Variants in ADGRE3 observed in about 807,000 individuals in gnomAD.
ADGRE3 encodes adhesion G protein-coupled receptor E3, also known as EGF-like module receptor 3.
Under a neutral mutation model 80.1 loss-of-function variants are expected in ADGRE3, and 88 were observed. That is an observed-to-expected ratio of 1.10 (90% confidence interval 0.93 to 1.31). The LOEUF (loss-of-function observed/expected upper bound fraction) is 1.31. Ranked by LOEUF, ADGRE3 falls within the 40% of genes most tolerant of loss-of-function variation. The pLI is 0.00. For missense variants in ADGRE3, 715 were observed against 776.5 expected (o/e 0.92, Z 0.94); for synonymous variants, 281 against 294.8 (o/e 0.95, Z 0.48).
At chr19:14,630,664 T>C (rs1402486456) in intron 13 of ADGRE3, among the ~76,000 whole-genome samples, 2 of 152,096 alleles carry the variant, frequency 1.3e-5, no homozygotes, top group African/African-American at 4.8e-5. Context: ...TCCACCCATC[T>C]TGGCCTCCCA....
At chr19:14,600,966 A>G in the ADGRE3 span, among the ~76,000 whole-genome samples, 1 of 120,032 alleles carries the variant, frequency 8.3e-6, no homozygotes, top group African/African-American at 3.3e-5. Context: ...GCAGTGGTGC[A>G]ATCTTGGCTC....
intron 15 of ADGRE3, among the ~76,000 whole-genome samples, chr19:14,624,647 C>G (rs1416951431): frequency 6.6e-6 from 1 of 151,020 alleles, no homozygotes. Context: ...CTCAGCTACT[C>G]AGGAAGCTGA....
chr19:14,673,955 T>C (rs1972321379), intron 1 of ADGRE3, among the ~76,000 whole-genome samples: 1 of 152,182 alleles, frequency 6.6e-6, no homozygotes, highest in African/African-American at 2.4e-5. Context: ...ATTATTTAGC[T>C]CCCACTGATA....
At chr19:14,620,548 T>TATATATTATATATATATATATA in intron 15 of ADGRE3, among the ~76,000 whole-genome samples, 1 of 24,982 alleles carries the variant, frequency 4.0e-5, no homozygotes, top group Non-Finnish European at 6.2e-5. Flanking sequence ...TATATATATA[T>TATATATTATATATATATATATA]TATATATATA....
intron 6 of ADGRE3, among the ~76,000 whole-genome samples, chr19:14,653,271 C>T (rs180750161): frequency 1.3e-5 from 2 of 152,210 alleles, no homozygotes; most frequent in Non-Finnish European, 2.9e-5. Flanking sequence ...GCCACCTCAT[C>T]CTGCCCACAA....
intron 9 of ADGRE3, 51 bp from the exon 10 acceptor site, chr19:14,641,667 T>C (rs2146841486): frequency 1.3e-6 from 2 of 1,593,600 alleles, no homozygotes; most frequent in East Asian, 2.3e-5. Flanking sequence ...ACTGGGATTA[T>C]GGCTCCCTCC....
At chr19:14,610,231 T>G in the ADGRE3 span, 1 of 1,546,406 alleles carries the variant, frequency 6.5e-7, no homozygotes, top group Non-Finnish European at 8.7e-7. Flanking sequence ...CATATCTGAG[T>G]GTCTCTTTGA....
rs762698129 is a variant in ADGRE3, at chr19:14,668,786, G to C, written c.76+16C>G. On this transcript the variant is annotated intron_variant, in intron 2 of 15. Transcript: ENST00000253673. The stretch of plus-strand genomic sequence containing the variant: ...CCTTGGTCCACAAGTTCTCTGTTCT[G>C]GCTCTGAGCACTCACTTTTGGTTTT... 6.2e-7 allele frequency: 1 copy of C among 1,612,852 alleles called. No individual in the cohort carries two copies. Among genetic ancestry groups the C allele is most frequent in the South Asian group, 1.1e-5 (1 of 91,030 alleles).
downstream of ADGRE3, among the ~76,000 whole-genome samples, chr19:14,618,294 T>C (rs1568469901): frequency 6.6e-6 from 1 of 152,186 alleles, no homozygotes; most frequent in Non-Finnish European, 1.5e-5. Context: ...GGCTTGTGTC[T>C]GTAATCCCAG....
Position 14,644,281 on chromosome 19 carries a change from A to T in ADGRE3, c.883-6T>A. On this transcript the variant is annotated splice_polypyrimidine_tract_variant and splice_region_variant and intron_variant, in intron 8 of 15. Transcript: ENST00000253673. ...TTTTTGGTACTGGGGGTCATCTGAA[A>T]ATAGAAAATAGAAAGGGCTCATTGT... 1 of 1,487,058 alleles carries T rather than the reference A, an allele frequency of 6.7e-7. No homozygotes were observed. Among genetic ancestry groups the T allele is most frequent in the Non-Finnish European group, 9.0e-7 (1 of 1,113,658 alleles). 92.1% of individuals were successfully genotyped at this position (1,487,058 alleles called of 1,614,324 possible).
chr19:14,646,659 T>TCCTC lies in ADGRE3; in HGVS notation c.882+518_882+521dup, dbSNP rs546627316. ...TTCTCAGTCACTTCCCTCTCTCTCT[T>TCCTC]CCTCCCTCCCTCCCTCCCTCCCTCC... On this transcript the variant is annotated intron_variant, in intron 8 of 15. Coordinates refer to ENST00000253673, the MANE Select transcript of ADGRE3 (RefSeq NM_032571.5). Among the ~76,000 whole-genome samples, 195 of 85,332 alleles carry TCCTC rather than the reference T, an allele frequency of 2.3e-3. 1 individual carries two copies. The highest frequency in any genetic ancestry group is 5.6e-3 in the Middle Eastern group (1 of 178). The allele number at this position is 85,332 out of a possible 152,430, so 56.0% of individuals were successfully genotyped here.
chr19:14,615,573 C>A (rs930827275), downstream of ADGRE3, among the ~76,000 whole-genome samples: 3 of 151,886 alleles, frequency 2.0e-5, no homozygotes, highest in Admixed American at 6.6e-5. Context: ...CCAGCCTGGG[C>A]AACATGTTGA....
At chr19:14,643,143 G>GTTTTTT (rs1568485721) in intron 9 of ADGRE3, among the ~76,000 whole-genome samples, 1 of 122,066 alleles carries the variant, frequency 8.2e-6, no homozygotes, top group African/African-American at 3.6e-5. Context: ...TAGTAATCAT[G>GTTTTTT]GTTTTTTTTT....
downstream of ADGRE3, among the ~76,000 whole-genome samples, chr19:14,617,862 G>A (rs1006103316): frequency 1.1e-4 from 16 of 150,936 alleles, no homozygotes; most frequent in South Asian, 2.1e-4. Context: ...TGAGAGTGAT[G>A]ACTTAAAAAA....
At chr19:14,637,879 C>T (rs142623767) in intron 11 of ADGRE3, among the ~76,000 whole-genome samples, 222 of 151,898 alleles carry the variant, frequency 1.5e-3, no homozygotes, top group African/African-American at 5.1e-3. Flanking sequence ...TGGATTGGTA[C>T]GTTACTGTGC....
At chr19:14,660,089 G>T (rs898782501) in intron 4 of ADGRE3, among the ~76,000 whole-genome samples, 6 of 152,218 alleles carry the variant, frequency 3.9e-5, no homozygotes, top group African/African-American at 1.4e-4. Flanking sequence ...TTGAACCAAA[G>T]CTGCACACTT....
At chr19:14,648,651 A>G (rs1599633404) in intron 7 of ADGRE3, among the ~76,000 whole-genome samples, 1 of 152,210 alleles carries the variant, frequency 6.6e-6, no homozygotes, top group East Asian at 1.9e-4. Flanking sequence ...GATGAGATTA[A>G]TATTTAAATC....
chr19:14,672,061 A>T (rs1405958024), intron 1 of ADGRE3, among the ~76,000 whole-genome samples: 1 of 152,242 alleles, frequency 6.6e-6, no homozygotes, highest in East Asian at 1.9e-4. Context: ...TATATACATG[A>T]ATGTGTAGCA....
chr19:14,620,548 T>TAATATA lies in ADGRE3; in HGVS notation c.1921-1078_1921-1077insTATATT. ...TGAATATATATATTTTATATATATA[T>TAATATA]TATATATATATATATATATATTTTT... On this transcript the variant is annotated intron_variant, in intron 15 of 15. Coordinates refer to ENST00000253673, the MANE Select transcript of ADGRE3 (RefSeq NM_032571.5). 2.0e-3 allele frequency among the ~76,000 whole-genome samples: 49 copies of TAATATA among 24,954 alleles called. 4 individuals carry two copies. The highest frequency in any genetic ancestry group is 5.8e-3 in the African/African-American group (27 of 4,654). 16.4% of individuals were successfully genotyped at this position (24,954 alleles called of 152,430 possible).
Sources: gnomAD v4.1 joint callset for allele counts (sites outside exome capture counted in the v4.1 genomes callset) on GRCh38, gnomAD v4.1.1 for gene constraint, MANE v1.5 for transcripts, NCBI Gene and HGNC (gene_info 2026-07-23, HGNC 2026-07-21) for gene names.